MFNG: variants seen among roughly 807,000 people sequenced by gnomAD.
MFNG encodes MFNG O-fucosylpeptide 3-beta-N-acetylglucosaminyltransferase, also known as beta-1,3-N-acetylglucosaminyltransferase manic fringe.
MFNG carries 24 observed loss-of-function variants against 34.2 expected under a neutral mutation model. That is an observed-to-expected ratio of 0.70 (90% CI 0.51 to 0.99). The LOEUF (loss-of-function observed/expected upper bound fraction) is 0.99. MFNG is among the 50% of genes least tolerant of loss of function. The pLI is 0.00. For missense variants in MFNG, 383 were observed against 424.0 expected, an observed-to-expected ratio of 0.90 and a Z score of 0.85; for synonymous variants, 158 against 179.2, an observed-to-expected ratio of 0.88 and a Z score of 0.94.
rs962625947 is a variant in MFNG, at chr22:37,485,180, TGAGCA to T, written c.255+738_255+742del. Among the ~76,000 whole-genome samples the T allele has an allele frequency of 6.7e-6, 1 of 148,478 alleles. No homozygotes were observed. Among genetic ancestry groups the T allele is most frequent in the Admixed American group, 6.7e-5 (1 of 14,886 alleles). On this transcript the variant is annotated intron_variant, in intron 1 of 7. Transcript: ENST00000356998. This position sits in a 1 kb window ranked among gnomAD's most constrained non-coding sequence, Gnocchi z 5.3. ...CTAGCACACTCCAGCTCCGTGCGTG[TGAGCA>T]CACACACACACACACACACAATCCC...
At position 37,486,295 on chromosome 22, in the gene MFNG, C is replaced by T; in HGVS notation, c.-118G>A. 8.3e-7 allele frequency: 1 copy of T among 1,210,158 alleles called. No homozygotes were observed. The highest frequency in any genetic ancestry group is 1.5e-5 in the African/African-American group (1 of 65,014). 75.0% of individuals were successfully genotyped at this position (1,210,158 alleles called of 1,614,324 possible). A position where few individuals can be genotyped will look rare whatever the true frequency, so the allele number is the denominator to read the frequency against. On this transcript the variant is annotated 5_prime_UTR_variant, in exon 1 of 8. Transcript: ENST00000356998. ...AAGTCTGGCAGGCATCAGGGGCTGG[C>T]AAGGAGGGAAGAGGTAGGAGCTGAG...
Position 37,469,568 on chromosome 22 carries a change from C to T in MFNG, c.*395G>A, listed in dbSNP as rs907766415. The T allele has an allele frequency of 2.3e-5, 8 of 351,610 alleles. No homozygotes were observed. Among genetic ancestry groups the T allele is most frequent in the African/African-American group, 1.5e-4 (7 of 46,882 alleles). 21.8% of individuals were successfully genotyped at this position (351,610 alleles called of 1,614,324 possible). A position where few individuals can be genotyped will look rare whatever the true frequency, so the allele number is the denominator to read the frequency against. On this transcript the variant is annotated 3_prime_UTR_variant, in exon 8 of 8. Coordinates refer to ENST00000356998, the MANE Select transcript of MFNG (RefSeq NM_002405.4). The stretch of plus-strand genomic sequence containing the variant: ...AGGAGTGGGCGGCCCAGCGCTTGAG[C>T]CCCAGGGGAATGACTGAGAGACATT...
In MFNG at chr22:37,472,533, G is replaced by A; in HGVS notation, c.814-5C>T. Reference sequence around the variant, plus strand: ...GACACCGTAGCTGAGGGTGACCTGGGCAGGGAGATAGAAGAGTGTTGGGGC... The same window carrying A: ...GACACCGTAGCTGAGGGTGACCTGGACAGGGAGATAGAAGAGTGTTGGGGC... On this transcript the variant is annotated splice_region_variant and splice_polypyrimidine_tract_variant and intron_variant, in intron 6 of 7. Coordinates refer to ENST00000356998, the MANE Select transcript of MFNG (RefSeq NM_002405.4). 1 of 1,579,572 alleles carries A rather than the reference G, an allele frequency of 6.3e-7. No individual in the cohort carries two copies. Among genetic ancestry groups the A allele is most frequent in the Non-Finnish European group, 8.6e-7 (1 of 1,165,618 alleles).
intron 1 of MFNG, among the ~76,000 whole-genome samples, chr22:37,484,010 G>A (rs563427587): frequency 3.9e-5 from 6 of 152,196 alleles, no homozygotes; most frequent in East Asian, 1.9e-4. Context: ...ACAGGCAGCC[G>A]CGGGAAACAA....
intron 4 of MFNG, 60 bp downstream of exon 4, chr22:37,479,285 G>A (rs748637973): frequency 9.8e-5 from 146 of 1,484,160 alleles, no homozygotes; most frequent in Non-Finnish European, 1.2e-4. Context: ...CCACCCCCAG[G>A]ACCGGCCCGG....
Position 37,485,576 on chromosome 22 carries a change from G to A in MFNG, c.255+347C>T, listed in dbSNP as rs111488268. Reference sequence around the variant, plus strand: ...ACACCCACCATTACCCCTGATGCCAGGCTGGGCCTGGGTGGCTAGGAGCGA... The same window carrying A: ...ACACCCACCATTACCCCTGATGCCAAGCTGGGCCTGGGTGGCTAGGAGCGA... On this transcript the variant is annotated intron_variant, in intron 1 of 7. Coordinates refer to ENST00000356998, the MANE Select transcript of MFNG (RefSeq NM_002405.4). The surrounding 1 kb of genome is among the most constrained non-coding windows in gnomAD (Gnocchi z 5.3). Among the ~76,000 whole-genome samples, 4 of 152,268 alleles carry A rather than the reference G, an allele frequency of 2.6e-5. No homozygotes were observed. Among genetic ancestry groups the A allele is most frequent in the South Asian group, 2.1e-4 (1 of 4,830 alleles).
At position 37,469,782 on chromosome 22, in the gene MFNG, TC is replaced by T; in HGVS notation, c.*180del. The T allele has an allele frequency of 1.4e-6, 1 of 703,366 alleles. No homozygotes were observed. The highest frequency in any genetic ancestry group is 2.7e-6 in the Non-Finnish European group (1 of 377,212). 43.6% of individuals were successfully genotyped at this position (703,366 alleles called of 1,614,324 possible). On this transcript the variant is annotated 3_prime_UTR_variant, in exon 8 of 8. Coordinates refer to ENST00000356998, the MANE Select transcript of MFNG (RefSeq NM_002405.4). ...GGTCCCCTGGGCTGTCTAACTCACC[TC>T]CCAGGGGCCTGGGGTGCCTTCAGTG...
At position 37,486,368 on chromosome 22, in the gene MFNG, C is replaced by T; in HGVS notation, c.-191G>A. On this transcript the variant is annotated 5_prime_UTR_variant, in exon 1 of 8. Transcript: ENST00000356998. The stretch of plus-strand genomic sequence containing the variant: ...CATGGCAGCACGATCTCGACCGCCG[C>T]CAGTCCTCCACCTGCTCCCGCTGTC... The T allele has an allele frequency of 2.0e-6, 1 of 510,918 alleles. No individual in the cohort carries two copies. Among genetic ancestry groups the T allele is most frequent in the East Asian group, 3.5e-5 (1 of 28,618 alleles). The allele number at this position is 510,918 out of a possible 1,614,324, so 31.6% of individuals were successfully genotyped here.
rs369949708 is a variant in MFNG at position 37,485,918 on chromosome 22, G to A, written c.255+5C>T. 2.5e-6 allele frequency: 4 copies of A among 1,611,190 alleles called. No individual in the cohort carries two copies. The highest frequency in any genetic ancestry group is 3.3e-4 in the Middle Eastern group (2 of 6,042). ...CCCCAGGGCCCAATGTCACCCACTT[G>A]TCACCTGTTCCCTGGTCCTGGAAAC... On this transcript the variant is annotated splice_donor_5th_base_variant and intron_variant, in intron 1 of 7. Transcript: ENST00000356998. The surrounding 1 kb of genome is among the most constrained non-coding windows in gnomAD (Gnocchi z 5.3).
chr22:37,480,426 T>C (rs1251263993), intron 2 of MFNG, 127 bp from the exon 3 acceptor site: 2 of 746,986 alleles, frequency 2.7e-6, no homozygotes, highest in Admixed American at 4.9e-5. Context: ...ATTTTACACA[T>C]GGTAGGACTG....
intron 5 of MFNG, 33 bp downstream of exon 5, chr22:37,476,863 C>A (rs775971452): frequency 6.4e-7 from 1 of 1,557,674 alleles, no homozygotes; most frequent in South Asian, 1.1e-5. Flanking sequence ...ACCCCCTCCC[C>A]GCCTTCCTGC....
intron 4 of MFNG, among the ~76,000 whole-genome samples, chr22:37,477,359 G>A (rs1222489583): frequency 6.6e-6 from 1 of 152,240 alleles, no homozygotes; most frequent in African/African-American, 2.4e-5. Context: ...GGGCCACAGA[G>A]GTGGGCCTAG....
At position 37,479,443 on chromosome 22, in the gene MFNG, G is replaced by T; in HGVS notation, c.463C>A (p.Leu155Ile). ...NYVNPRALLQLLRAFPLARDV... is the reference protein window; with the variant it reads ...NYVNPRALLQILRAFPLARDV... ...CGGGCCAGCGGGAAGGCTCTCAGAA[G>T]CTGCAGCAGCGCCCTTGGGTTCACA... Residue 155 changes from leucine to isoleucine, a missense_variant, in exon 4 of 8, where the codon CTT (leucine) becomes ATT (isoleucine). Leu to Ile is a conservative substitution (Grantham distance 5, BLOSUM62 2). Transcript: ENST00000356998. The T allele has an allele frequency of 6.2e-7, 1 of 1,609,996 alleles. No individual in the cohort carries two copies.
intron 4 of MFNG, among the ~76,000 whole-genome samples, chr22:37,477,745 C>T (rs937674730): frequency 9.2e-5 from 14 of 152,180 alleles, no homozygotes; most frequent in African/African-American, 2.4e-4. Flanking sequence ...CCACCGCGCC[C>T]GGCCTCAGAT....
At chr22:37,476,869 C>G in intron 5 of MFNG, 27 bp downstream of exon 5, 6 of 1,452,508 alleles carry the variant, frequency 4.1e-6, no homozygotes, top group Non-Finnish European at 5.8e-6. Flanking sequence ...TCCCCGCCTT[C>G]CTGCCCACCC....
In MFNG at chr22:37,469,493, A is replaced by G. The variant is rs1177973794; in HGVS notation, c.*470T>C. 1 of 271,072 alleles carries G rather than the reference A, an allele frequency of 3.7e-6. No individual in the cohort carries two copies. Among genetic ancestry groups the G allele is most frequent in the Non-Finnish European group, 7.4e-6 (1 of 135,384 alleles). The allele number at this position is 271,072 out of a possible 1,614,324, so 16.8% of individuals were successfully genotyped here. A position where few individuals can be genotyped will look rare whatever the true frequency, so the allele number is the denominator to read the frequency against. ...GGTGCTGCAGACCCTGGATTCTGCC[A>G]TCATTCCACCCATGTCCCTTCAGGA... is the stretch of plus-strand genomic sequence containing the variant. On this transcript the variant is annotated 3_prime_UTR_variant, in exon 8 of 8. Transcript: ENST00000356998.
chr22:37,480,929 A>C, intron 1 of MFNG, 160 bp from the exon 2 acceptor site: 1 of 647,984 alleles, frequency 1.5e-6, no homozygotes, highest in African/African-American at 1.8e-5. Context: ...AACATACAAC[A>C]CACACAACCC....
At position 37,481,213 on chromosome 22, in the gene MFNG, C is replaced by A. The variant is rs1046685951; in HGVS notation, c.256-444G>T. On this transcript the variant is annotated intron_variant, in intron 1 of 7. Transcript: ENST00000356998. ...CCCACGGCCACACCATGGGACACCA[C>A]GCCACTAGGGAGACGTCACACCTTC... The A allele has an allele frequency of 1.8e-5, 3 of 168,912 alleles. No homozygotes were observed. In the East Asian group the frequency reaches 5.3e-4, roughly 30 times the overall value. 10.5% of individuals were successfully genotyped at this position (168,912 alleles called of 1,614,324 possible). A position where few individuals can be genotyped will look rare whatever the true frequency, so the allele number is the denominator to read the frequency against.
chr22:37,476,259 C>G (rs1454288805), intron 5 of MFNG, among the ~76,000 whole-genome samples: 1 of 152,014 alleles, frequency 6.6e-6, no homozygotes, highest in Non-Finnish European at 1.5e-5. Flanking sequence ...GTCCCACCCC[C>G]ACCCACACTG....
Sources: allele counts gnomAD v4.1 joint callset (sites outside exome capture counted in the v4.1 genomes callset), GRCh38; gene constraint gnomAD v4.1.1; non-coding constraint Gnocchi (gnomAD v3.1); transcripts MANE v1.5; gene names NCBI Gene and HGNC (gene_info 2026-07-23, HGNC 2026-07-21).